Variants in SLC38A4 observed in about 807,000 individuals in gnomAD.
SLC38A4 encodes the protein sodium-coupled neutral amino acid transporter 4.
In SLC38A4, 20 loss-of-function variants were observed where a neutral mutation model predicts 63.1. That is an observed-to-expected ratio of 0.32 (90% CI 0.22 to 0.46). SLC38A4 has a LOEUF of 0.46. SLC38A4 is among the 20% of genes least tolerant of loss of function. The probability of loss-of-function intolerance (pLI) is 1.00; values close to 1 mark genes in which losing one functional copy is unlikely to be tolerated. For missense variants in SLC38A4, 526 were observed against 663.6 expected, an observed-to-expected ratio of 0.79 and a Z score of 2.28; for synonymous variants, 230 against 225.5, an observed-to-expected ratio of 1.02 and a Z score of -0.18.
At chr12:46,797,662 T>A (rs552496687) in intron 2 of SLC38A4, among the ~76,000 whole-genome samples, 29 of 152,274 alleles carry the variant, frequency 1.9e-4, no homozygotes, top group African/African-American at 6.7e-4. Flanking sequence ...TGTCTATTTA[T>A]CTCCAGTTGG....
rs145432915 is a variant in SLC38A4 at position 46,775,579 on chromosome 12, G to T, written c.1175-406C>A. ...ACCTGCGCAGCCACTCCTGATGCAG[G>T]TTACAAACCCAGTGTGTAAACTCTA... On this transcript the variant is annotated intron_variant, in intron 13 of 16. Coordinates refer to ENST00000266579, the MANE Select transcript of SLC38A4 (RefSeq NM_018018.5). 7.7e-3 allele frequency among the ~76,000 whole-genome samples: 1,163 copies of T among 151,948 alleles called. 5 individuals carry two copies. The highest frequency in any genetic ancestry group is 0.02 in the South Asian group (94 of 4,804).
intron 1 of SLC38A4, among the ~76,000 whole-genome samples, chr12:46,810,842 C>G (rs1272075679): frequency 6.6e-6 from 1 of 152,020 alleles, no homozygotes; most frequent in African/African-American, 2.4e-5. Flanking sequence ...AGCTAAATCT[C>G]TAGTTTGGGG....
At chr12:46,776,634 T>C (rs890021508) in intron 13 of SLC38A4, among the ~76,000 whole-genome samples, 1 of 152,066 alleles carries the variant, frequency 6.6e-6, no homozygotes, top group African/African-American at 2.4e-5. Flanking sequence ...CAGAGAAATA[T>C]CATCTATCCC....
intron 2 of SLC38A4, among the ~76,000 whole-genome samples, chr12:46,794,288 A>T (rs1261112646): frequency 6.6e-6 from 1 of 152,126 alleles, no homozygotes; most frequent in African/African-American, 2.4e-5. Context: ...CACATCCTCA[A>T]ATTACAAAAC....
chr12:46,826,915 T>C (rs1019367874), upstream of SLC38A4, among the ~76,000 whole-genome samples: 1 of 152,242 alleles, frequency 6.6e-6, no homozygotes, highest in African/African-American at 2.4e-5. Flanking sequence ...ATTTGAAGAA[T>C]ATTTTCTGTC....
intron 4 of SLC38A4, among the ~76,000 whole-genome samples, chr12:46,788,283 T>C (rs1938804960): frequency 6.6e-6 from 1 of 152,180 alleles, no homozygotes; most frequent in South Asian, 2.1e-4. Flanking sequence ...GGAAAACATG[T>C]ATGATTGTAG....
intron 1 of SLC38A4, among the ~76,000 whole-genome samples, chr12:46,805,757 G>GA (rs1241563403): frequency 6.6e-6 from 1 of 151,958 alleles, no homozygotes; most frequent in East Asian, 1.9e-4. Context: ...TGAATAAAAT[G>GA]AAAAATACGT....
At position 46,778,642 on chromosome 12, in the gene SLC38A4, G is replaced by T; in HGVS notation, c.852C>A (p.Asn284Lys). 1.2e-6 allele frequency: 2 copies of T among 1,613,020 alleles called. No homozygotes were observed. The highest frequency in any genetic ancestry group is 1.7e-6 in the Non-Finnish European group (2 of 1,179,418). ...LPNNSESSDV[N>K]FMMDYTHRNP... is the part of the protein sequence containing the mutation. ...TGCGGTGGGTGTAATCCATCATGAAGTTCACATCAGAACTCTCAGAGTTGT... is the reference window on the plus strand; with the variant it reads ...TGCGGTGGGTGTAATCCATCATGAATTTCACATCAGAACTCTCAGAGTTGT... Residue 284 changes from asparagine to lysine, a missense_variant, in exon 11 of 17, where the codon AAC becomes AAA. By Grantham distance (94) the Asn-to-Lys change is moderately conservative. Coordinates refer to ENST00000266579, the MANE Select transcript of SLC38A4 (RefSeq NM_018018.5).
At chr12:46,830,493 A>T (rs377026605), upstream of SLC38A4, among the ~76,000 whole-genome samples, 1 of 152,172 alleles carries the variant, frequency 6.6e-6, no homozygotes, top group Non-Finnish European at 1.5e-5. Flanking sequence ...TCTTTACAAC[A>T]TAACACATTT....
intron 1 of SLC38A4, among the ~76,000 whole-genome samples, chr12:46,809,062 T>G (rs1396001001): frequency 6.6e-6 from 1 of 152,046 alleles, no homozygotes. Context: ...AGAACAATTT[T>G]GATGCATTTT....
chr12:46,828,556 C>G (rs111482294), upstream of SLC38A4, among the ~76,000 whole-genome samples: 449 of 152,302 alleles, frequency 2.9e-3, 2 homozygotes, highest in African/African-American at 0.01. Context: ...CTCCTGACCT[C>G]AGGTGATCCA....
chr12:46,766,874 A>G, intron 16 of SLC38A4, 72 bp from the exon 17 acceptor site: 1 of 995,964 alleles, frequency 1.0e-6, no homozygotes. Flanking sequence ...AGTTGTTTAC[A>G]TAATATGGCA....
intron 2 of SLC38A4, among the ~76,000 whole-genome samples, chr12:46,803,101 CTCTT>C (rs1398031439): frequency 3.9e-5 from 6 of 152,034 alleles, no homozygotes; most frequent in African/African-American, 1.2e-4. Flanking sequence ...ACAGCCCAAA[CTCTT>C]AGCCATTCAC....
chr12:46,823,918 T>C (rs970644137), intron 1 of SLC38A4, among the ~76,000 whole-genome samples: 13 of 152,174 alleles, frequency 8.5e-5, no homozygotes, highest in African/African-American at 3.1e-4. Flanking sequence ...AACATTTCAT[T>C]TTAAAACCTG....
At chr12:46,767,844 G>A (rs1328212048) in intron 16 of SLC38A4, among the ~76,000 whole-genome samples, 1 of 152,092 alleles carries the variant, frequency 6.6e-6, no homozygotes, top group African/African-American at 2.4e-5. Flanking sequence ...GAATGGTTCT[G>A]TTCTGGATCT....
At chr12:46,785,986 A>G (rs1030256714) in intron 5 of SLC38A4, among the ~76,000 whole-genome samples, 5 of 151,984 alleles carry the variant, frequency 3.3e-5, no homozygotes, top group Admixed American at 2.6e-4. Flanking sequence ...TTTCCCCACA[A>G]TTGATCTAAT....
At chr12:46,786,583 G>A (rs1367461981) in intron 5 of SLC38A4, among the ~76,000 whole-genome samples, 1 of 152,036 alleles carries the variant, frequency 6.6e-6, no homozygotes, top group East Asian at 1.9e-4. Flanking sequence ...ATAAGGAAAG[G>A]CAGCTTTTTT....
In SLC38A4 at chr12:46,788,651, A is replaced by G. The variant is rs776332579; in HGVS notation, c.120-33T>C. 4.6e-6 allele frequency: 7 copies of G among 1,535,370 alleles called. No individual in the cohort carries two copies. In the South Asian group the frequency reaches 6.7e-5, roughly 15 times the overall value. ...CACACACACACAAATAAGAAAGTGA[A>G]AACATCTAAATATATGCTCTGAATC... is the stretch of plus-strand genomic sequence containing the variant. On this transcript the variant is annotated intron_variant, in intron 3 of 16. Transcript: ENST00000266579.
intron 2 of SLC38A4, among the ~76,000 whole-genome samples, chr12:46,794,288 A>G (rs1261112646): frequency 6.6e-6 from 1 of 152,126 alleles, no homozygotes; most frequent in African/African-American, 2.4e-5. Flanking sequence ...CACATCCTCA[A>G]ATTACAAAAC....
Sources: gnomAD v4.1 joint callset for allele counts (sites outside exome capture counted in the v4.1 genomes callset) on GRCh38, gnomAD v4.1.1 for gene constraint, MANE v1.5 for transcripts, NCBI Gene and HGNC (gene_info 2026-07-23, HGNC 2026-07-21) for gene names.